Variants in DOCK9 observed in about 807,000 individuals in gnomAD.
DOCK9 encodes dedicator of cytokinesis 9.
In DOCK9, 89 loss-of-function variants were observed where a neutral mutation model predicts 263.3. That is an observed-to-expected ratio of 0.34 (90% confidence interval 0.28 to 0.40). The LOEUF (loss-of-function observed/expected upper bound fraction) is 0.40. DOCK9 is among the 10% of genes least tolerant of loss of function. The pLI, the probability that DOCK9 is intolerant of heterozygous loss-of-function variation, is 1.00. For synonymous variants in DOCK9, 976 were observed against 973.1 expected (o/e 1.00, Z -0.06); for missense variants, 2,140 against 2,603.4 (o/e 0.82, Z 3.87).
At chr13:98,862,717 C>T (rs2093909440) in intron 32 of DOCK9, among the ~76,000 whole-genome samples, 1 of 151,704 alleles carries the variant, frequency 6.6e-6, no homozygotes, top group Admixed American at 6.6e-5. Context: ...AAGAGAGGGA[C>T]ACAGAGGCAC....
chr13:99,062,582 G>T (rs1333771015), intron 1 of DOCK9, among the ~76,000 whole-genome samples: 1 of 152,202 alleles, frequency 6.6e-6, no homozygotes, highest in South Asian at 2.1e-4. Context: ...GACACGGAAA[G>T]AATGAGGGGC....
intron 49 of DOCK9, among the ~76,000 whole-genome samples, chr13:98,801,807 C>T (rs1271212837): frequency 6.6e-6 from 1 of 152,212 alleles, no homozygotes; most frequent in South Asian, 2.1e-4. Context: ...GAAACAGGCC[C>T]AGCCCCTGTG....
chr13:99,008,311 C>T (rs1463376752), intron 1 of DOCK9, among the ~76,000 whole-genome samples: 4 of 149,710 alleles, frequency 2.7e-5, no homozygotes, highest in African/African-American at 9.9e-5. Flanking sequence ...CAGCTCACTG[C>T]AACCTCCGCC....
At chr13:99,041,871 C>A (rs1383947667) in intron 1 of DOCK9, among the ~76,000 whole-genome samples, 2 of 152,156 alleles carry the variant, frequency 1.3e-5, no homozygotes, top group Admixed American at 6.5e-5. Context: ...GACATGGCCA[C>A]CAGCCAAGAA....
intron 1 of DOCK9, among the ~76,000 whole-genome samples, chr13:99,084,619 C>A (rs1433113712): frequency 6.6e-6 from 1 of 152,246 alleles, no homozygotes; most frequent in Non-Finnish European, 1.5e-5. Context: ...GACTACTGCA[C>A]ATCAGCAGTG....
At chr13:98,952,527 G>A (rs1857719553) in intron 2 of DOCK9, among the ~76,000 whole-genome samples, 3 of 152,344 alleles carry the variant, frequency 2.0e-5, no homozygotes, top group South Asian at 4.1e-4. Flanking sequence ...GAGCCAGTGC[G>A]CCTGGCCTAT....
chr13:98,862,123 C>A (rs1266989083), intron 32 of DOCK9, among the ~76,000 whole-genome samples: 7 of 152,122 alleles, frequency 4.6e-5, no homozygotes, highest in African/African-American at 1.7e-4. Flanking sequence ...ATCACGAGAA[C>A]ATGGTTTTCA....
At chr13:99,038,288 C>CTTTTTTTTTTTTTTTTTTTTTTT (rs71419743) in intron 1 of DOCK9, among the ~76,000 whole-genome samples, 1 of 86,264 alleles carries the variant, frequency 1.2e-5, no homozygotes, top group Non-Finnish European at 2.2e-5. Context: ...TTATGCCCCC[C>CTTTTTTTTTTTTTTTTTTTTTTT]TTTTTTTTTT....
At chr13:98,954,355 G>A (rs534373997) in intron 2 of DOCK9, among the ~76,000 whole-genome samples, 203 of 152,286 alleles carry the variant, frequency 1.3e-3, no homozygotes, top group African/African-American at 4.8e-3. Context: ...AGAAGTGCCA[G>A]GATCAGGTCC....
At chr13:99,061,836 T>C (rs185362768) in intron 1 of DOCK9, among the ~76,000 whole-genome samples, 55 of 152,166 alleles carry the variant, frequency 3.6e-4, no homozygotes, top group African/African-American at 1.2e-3. Context: ...ATTGCTCATG[T>C]AATAAGAGAG....
intron 38 of DOCK9, among the ~76,000 whole-genome samples, chr13:98,844,662 G>A (rs1238444937): frequency 3.3e-5 from 5 of 152,208 alleles, no homozygotes; most frequent in African/African-American, 9.7e-5. Flanking sequence ...TTACAGGCAT[G>A]AGCCACCATG....
chr13:98,819,187 G>T (rs1022942946), intron 45 of DOCK9, among the ~76,000 whole-genome samples: 4 of 152,142 alleles, frequency 2.6e-5, no homozygotes, highest in Non-Finnish European at 5.9e-5. Flanking sequence ...ATCTGGGTTT[G>T]GGGGGTAAGG....
rs756288156 is a variant in DOCK9 at position 98,825,923 on chromosome 13, G to A, written c.5023+907C>T. On this transcript the variant is annotated intron_variant, in intron 44 of 52. Transcript: ENST00000682017. This position sits in a 1 kb window ranked among gnomAD's most constrained non-coding sequence, Gnocchi z 4.1. ...CTATGGCTGTGGGGGAGAAGGGGCG[G>A]CTCCCACTGGACTGCTTCTAAACAT... 1 of 1,551,164 alleles carries A rather than the reference G, an allele frequency of 6.4e-7. No individual in the cohort carries two copies. The highest frequency in any genetic ancestry group is 8.7e-7 in the Non-Finnish European group (1 of 1,147,416).
intron 1 of DOCK9, among the ~76,000 whole-genome samples, chr13:99,082,712 T>C (rs1180184356): frequency 3.3e-5 from 5 of 152,190 alleles, no homozygotes; most frequent in African/African-American, 1.2e-4. Context: ...TGGTAGAATA[T>C]ACGCCAGCCA....
intron 45 of DOCK9, among the ~76,000 whole-genome samples, chr13:98,818,736 C>T (rs9557079): frequency 0.18 from 27,885 of 151,802 alleles, 3,478 homozygotes; most frequent in East Asian, 0.43. Flanking sequence ...ATCAAGGAAG[C>T]TTTTAAAAAT....
intron 1 of DOCK9, among the ~76,000 whole-genome samples, chr13:99,000,595 G>T (rs922368471): frequency 6.6e-6 from 1 of 152,082 alleles, no homozygotes; most frequent in African/African-American, 2.4e-5. Flanking sequence ...AGAAAAATGA[G>T]GTAAAATCAT....
chr13:98,803,325 T>C (rs901449146), intron 49 of DOCK9, among the ~76,000 whole-genome samples: 8 of 152,234 alleles, frequency 5.3e-5, no homozygotes, highest in Non-Finnish European at 1.0e-4. Context: ...TGGTAATGAA[T>C]GTTTATGAAT....
chr13:99,045,828 C>A (rs1888934671), intron 1 of DOCK9, among the ~76,000 whole-genome samples: 1 of 151,854 alleles, frequency 6.6e-6, no homozygotes, highest in Non-Finnish European at 1.5e-5. Flanking sequence ...TGCGGTGGCT[C>A]ACACCTGTAA....
intron 29 of DOCK9, 22 bp downstream of exon 29, chr13:98,867,906 C>T (rs1447608846): frequency 6.2e-7 from 1 of 1,605,188 alleles, no homozygotes; most frequent in Admixed American, 1.7e-5. Context: ...ACTTCTGTTA[C>T]CAGTAACAAC....
Sources: gnomAD v4.1 joint callset for allele counts (sites outside exome capture counted in the v4.1 genomes callset) on GRCh38, gnomAD v4.1.1 for gene constraint, Gnocchi (gnomAD v3.1) non-coding constraint, MANE v1.5 for transcripts, NCBI Gene and HGNC (gene_info 2026-07-23, HGNC 2026-07-21) for gene names.